The following RANBP9 variants were observed in gnomAD, a reference collection of about 807,000 sequenced individuals.
RANBP9 encodes the protein ran-binding protein 9.
A neutral mutation model predicts 84.3 loss-of-function variants in RANBP9; 15 were observed. That is an observed-to-expected ratio of 0.18 (90% CI 0.12 to 0.27). RANBP9 has a LOEUF of 0.27. Ranked by LOEUF, RANBP9 falls within the 10% of genes least tolerant of loss-of-function variation. The pLI is 1.00. For synonymous variants in RANBP9, 392 were observed against 349.6 expected (o/e 1.12, Z -1.35); for missense variants, 809 against 912.8 (o/e 0.89, Z 1.46).
intron 4 of RANBP9, among the ~76,000 whole-genome samples, chr6:13,655,566 G>C (rs1156675059): frequency 2.0e-5 from 3 of 152,036 alleles, no homozygotes; most frequent in Non-Finnish European, 4.4e-5. Flanking sequence ...TTTAAAAATA[G>C]CTTTCTTAGC....
At chr6:13,664,566 G>A (rs142763862) in intron 2 of RANBP9, among the ~76,000 whole-genome samples, 121 of 152,126 alleles carry the variant, frequency 8.0e-4, no homozygotes, top group African/African-American at 2.7e-3. Flanking sequence ...TGTTAGATCA[G>A]TAAGATGACT....
intron 13 of RANBP9, 42 bp downstream of exon 13, chr6:13,625,611 A>C: frequency 1.4e-6 from 2 of 1,427,428 alleles, no homozygotes; most frequent in Non-Finnish European, 2.0e-6. Flanking sequence ...TTAAATTTTC[A>C]GAGAATCTAA....
At chr6:13,708,812 G>A (rs75083438) in intron 1 of RANBP9, among the ~76,000 whole-genome samples, 2,048 of 143,002 alleles carry the variant, frequency 0.014, 54 homozygotes, top group African/African-American at 0.049. Flanking sequence ...CAGTAACAAC[G>A]GAAAACTCAC....
chr6:13,627,382 CA>C (rs1764637535), intron 12 of RANBP9, among the ~76,000 whole-genome samples: 1 of 152,046 alleles, frequency 6.6e-6, no homozygotes, highest in Non-Finnish European at 1.5e-5. Flanking sequence ...GTAATCCCAG[CA>C]CTTTGGGAAG....
At chr6:13,689,824 C>A (rs1766282026) in intron 2 of RANBP9, among the ~76,000 whole-genome samples, 1 of 152,214 alleles carries the variant, frequency 6.6e-6, no homozygotes, top group African/African-American at 2.4e-5. Flanking sequence ...TTTTCCCATA[C>A]ATGGTCTCAT....
chr6:13,677,545 A>T (rs1034795522), intron 2 of RANBP9, among the ~76,000 whole-genome samples: 1 of 152,182 alleles, frequency 6.6e-6, no homozygotes, highest in African/African-American at 2.4e-5. Context: ...GGCATTATGA[A>T]TATAATAAGA....
At chr6:13,689,574 T>C (rs1766277300) in intron 2 of RANBP9, among the ~76,000 whole-genome samples, 1 of 152,158 alleles carries the variant, frequency 6.6e-6, no homozygotes, top group Admixed American at 6.6e-5. Context: ...ACACTCAGCC[T>C]GTTCTTACTT....
intron 5 of RANBP9, among the ~76,000 whole-genome samples, chr6:13,647,525 A>G (rs1369040005): frequency 1.3e-5 from 2 of 152,186 alleles, no homozygotes; most frequent in Admixed American, 6.5e-5. Context: ...AAAGCAAGGT[A>G]TAACATATTG....
rs563072067 is a variant in RANBP9 at position 13,693,813 on chromosome 6, C to T, written c.683+2972G>A. Among the ~76,000 whole-genome samples, 37 of 152,260 alleles carry T rather than the reference C, an allele frequency of 2.4e-4. No homozygotes were observed. The South Asian group carries it at 3.1e-3, about 13-fold the overall frequency. The stretch of plus-strand genomic sequence containing the variant: ...ATCCCAGCACTTTGGGAGGCTGAGG[C>T]AGGCGGATCATTTGAGGTCAGGCGC... On this transcript the variant is annotated intron_variant, in intron 2 of 13. Transcript: ENST00000011619.
chr6:13,635,138 C>G (rs1453591962), intron 10 of RANBP9, among the ~76,000 whole-genome samples: 1 of 152,180 alleles, frequency 6.6e-6, no homozygotes, highest in Admixed American at 6.5e-5. Context: ...GAGCTTCATT[C>G]TCTCATCCCT....
chr6:13,645,414 C>T (rs140816425), intron 5 of RANBP9, among the ~76,000 whole-genome samples: 170 of 152,088 alleles, frequency 1.1e-3, no homozygotes, highest in Middle Eastern at 0.01. Flanking sequence ...TCCATGGTTT[C>T]AAGGTTAATC....
At position 13,639,607 on chromosome 6, in the gene RANBP9, A is replaced by G. The variant is rs1360012050; in HGVS notation, c.1481T>C (p.Ile494Thr). 6.2e-7 allele frequency: 1 copy of G among 1,612,608 alleles called. No homozygotes were observed. Among genetic ancestry groups the G allele is most frequent in the Non-Finnish European group, 8.5e-7 (1 of 1,178,594 alleles). Residue 494 changes from isoleucine (I) to threonine (T), a missense_variant, in exon 9 of 14, where the codon ATC becomes ACC. Ile to Thr is a moderately conservative substitution (Grantham distance 89). Coordinates refer to ENST00000011619, the MANE Select transcript of RANBP9 (RefSeq NM_005493.3). ...TCCTTTGCCTGATGCTAAATTGTGGATATTCATTCCATGGCTGGGGCTCAT... is the reference window on the plus strand; with the variant it reads ...TCCTTTGCCTGATGCTAAATTGTGGGTATTCATTCCATGGCTGGGGCTCAT... The part of the protein sequence containing the change: ...PSMSPSHGMN[I>T]HNLASGKGST...
chr6:13,668,560 T>C (rs1240494332), intron 2 of RANBP9, among the ~76,000 whole-genome samples: 2 of 152,026 alleles, frequency 1.3e-5, no homozygotes, highest in Non-Finnish European at 2.9e-5. Context: ...ATGAAGTTCG[T>C]TTAACAAACA....
chr6:13,641,512 CA>C (rs1765062703), intron 7 of RANBP9, among the ~76,000 whole-genome samples: 2 of 145,386 alleles, frequency 1.4e-5, no homozygotes, highest in African/African-American at 5.2e-5. Flanking sequence ...AGTACGGTCA[CA>C]AATTTTTTTT....
chr6:13,667,671 G>A (rs932459575), intron 2 of RANBP9, among the ~76,000 whole-genome samples: 2 of 151,914 alleles, frequency 1.3e-5, no homozygotes, highest in Admixed American at 1.3e-4. Flanking sequence ...ATTCCCTATT[G>A]TAACACAATA....
chr6:13,635,253 T>C (rs749377809), intron 10 of RANBP9, among the ~76,000 whole-genome samples: 4 of 152,216 alleles, frequency 2.6e-5, no homozygotes, highest in Non-Finnish European at 5.9e-5. Context: ...CAGTTTTCAC[T>C]CATTCCACTC....
chr6:13,690,850 C>A (rs956370665), intron 2 of RANBP9, among the ~76,000 whole-genome samples: 1 of 152,038 alleles, frequency 6.6e-6, no homozygotes, highest in Non-Finnish European at 1.5e-5. Context: ...TAAACACACA[C>A]CCGTTAAATA....
intron 1 of RANBP9, among the ~76,000 whole-genome samples, chr6:13,699,786 T>A (rs1757921955): frequency 1.3e-5 from 2 of 152,048 alleles, no homozygotes; most frequent in South Asian, 4.1e-4. Flanking sequence ...CGCTTGAACT[T>A]GGGAGGCAGA....
At chr6:13,686,950 A>G (rs1002926562) in intron 2 of RANBP9, among the ~76,000 whole-genome samples, 2 of 152,210 alleles carry the variant, frequency 1.3e-5, no homozygotes, top group African/African-American at 4.8e-5. Flanking sequence ...TTGGCTTCTG[A>G]AAACACCTAG....
Sources: allele counts gnomAD v4.1 joint callset (sites outside exome capture counted in the v4.1 genomes callset), GRCh38; gene constraint gnomAD v4.1.1; transcripts MANE v1.5; gene names NCBI Gene and HGNC (gene_info 2026-07-23, HGNC 2026-07-21).